MSI2: variants seen among roughly 807,000 people sequenced by gnomAD.
MSI2 encodes RNA-binding protein Musashi homolog 2.
Under a neutral mutation model 45.6 loss-of-function variants are expected in MSI2, and 17 were observed. The observed-to-expected ratio is 0.37, with a 90% CI of 0.26 to 0.56. The LOEUF (loss-of-function observed/expected upper bound fraction) is 0.56. MSI2 is among the 20% of genes least tolerant of loss of function. The pLI, the probability that MSI2 is intolerant of heterozygous loss-of-function variation, is 0.77. For synonymous variants in MSI2, 156 were observed against 158.2 expected, an observed-to-expected ratio of 0.99 and a Z score of 0.11; for missense variants, 293 against 444.2, an observed-to-expected ratio of 0.66 and a Z score of 3.06.
At chr17:57,308,201 C>G (rs1912076139) in intron 5 of MSI2, among the ~76,000 whole-genome samples, 1 of 152,134 alleles carries the variant, frequency 6.6e-6, no homozygotes, top group Admixed American at 6.6e-5. Flanking sequence ...GACGACGTGC[C>G]TGGCATGTAG....
intron 5 of MSI2, among the ~76,000 whole-genome samples, chr17:57,394,310 A>G (rs2083849840): frequency 6.6e-6 from 1 of 152,094 alleles, no homozygotes; most frequent in African/African-American, 2.4e-5. Flanking sequence ...ACGCTGTTTG[A>G]TTTTGGATGC....
intron 7 of MSI2, among the ~76,000 whole-genome samples, chr17:57,565,060 G>T (rs929244789): frequency 6.6e-6 from 1 of 152,146 alleles, no homozygotes; most frequent in African/African-American, 2.4e-5. Flanking sequence ...TGACAGATGA[G>T]GAAACTGAGA....
At chr17:57,667,294 A>G (rs1471762796) in intron 11 of MSI2, among the ~76,000 whole-genome samples, 2 of 152,164 alleles carry the variant, frequency 1.3e-5, no homozygotes, top group East Asian at 3.8e-4. Flanking sequence ...GTTAGTGTTA[A>G]AACACCGCCT....
intron 5 of MSI2, among the ~76,000 whole-genome samples, chr17:57,290,386 T>C (rs1169584198): frequency 6.6e-6 from 1 of 152,244 alleles, no homozygotes; most frequent in Non-Finnish European, 1.5e-5. Flanking sequence ...CATAACTCAC[T>C]GTACCCTCCA....
chr17:57,419,367 C>CT (rs11465030), intron 6 of MSI2, among the ~76,000 whole-genome samples: 5,939 of 146,082 alleles, frequency 0.041, 402 homozygotes, highest in African/African-American at 0.14. Context: ...TTACATTTTT[C>CT]TTTTTTTTTT....
downstream of MSI2, chr17:57,685,413 C>G (rs1913852022): frequency 6.6e-6 from 1 of 152,160 alleles, no homozygotes; most frequent in African/African-American, 2.4e-5. Flanking sequence ...GGACAGTGGC[C>G]CTTAGCTGCT....
chr17:57,277,053 CTT>C (rs34561938), intron 5 of MSI2, among the ~76,000 whole-genome samples: 2,789 of 124,918 alleles, frequency 0.022, 53 homozygotes, highest in African/African-American at 0.062. Context: ...GTTTTCTTTT[CTT>C]TTTTTTTTTT....
intron 6 of MSI2, among the ~76,000 whole-genome samples, chr17:57,439,957 G>A (rs950099574): frequency 6.6e-6 from 1 of 151,692 alleles, no homozygotes; most frequent in African/African-American, 2.4e-5. Flanking sequence ...TAAGAGGGGG[G>A]GTCTGTTCTA....
intron 1 of MSI2, 22 bp downstream of exon 1, chr17:57,256,826 A>G (rs1467064606): frequency 2.1e-6 from 3 of 1,447,412 alleles, no homozygotes; most frequent in South Asian, 2.9e-5. Flanking sequence ...GCCGCTGCCC[A>G]CCGCGCCGCC....
chr17:57,287,957 G>A (rs1336133918), intron 5 of MSI2, among the ~76,000 whole-genome samples: 1 of 152,196 alleles, frequency 6.6e-6, no homozygotes, highest in Admixed American at 6.5e-5. Context: ...GCGGCACCAG[G>A]AGGAGCAGGA....
intron 6 of MSI2, chr17:57,523,700 G>A (rs1021682048): frequency 6.6e-6 from 1 of 152,232 alleles, no homozygotes; most frequent in African/African-American, 2.4e-5. Context: ...CTTAATGCCT[G>A]TGTTCCATGT....
At chr17:57,364,476 T>C (rs952201143) in intron 5 of MSI2, among the ~76,000 whole-genome samples, 1 of 152,168 alleles carries the variant, frequency 6.6e-6, no homozygotes, top group Non-Finnish European at 1.5e-5. Context: ...GGCAGAAACT[T>C]TGTAAAGCTG....
chr17:57,510,785 G>A (rs753064815), intron 6 of MSI2, among the ~76,000 whole-genome samples: 22 of 152,248 alleles, frequency 1.4e-4, no homozygotes, highest in Admixed American at 5.2e-4. Context: ...GGCCAAGGCA[G>A]AACACTCATC....
chr17:57,425,659 C>T (rs2084477360), intron 6 of MSI2, among the ~76,000 whole-genome samples: 2 of 152,196 alleles, frequency 1.3e-5, no homozygotes, highest in African/African-American at 4.8e-5. Context: ...AGGTTGTTTG[C>T]AGTATCATTA....
chr17:57,575,175 G>T (rs1032704209), intron 7 of MSI2, among the ~76,000 whole-genome samples: 2 of 130,858 alleles, frequency 1.5e-5, no homozygotes, highest in Non-Finnish European at 3.1e-5. Context: ...CCCGGCTGGA[G>T]CAGATCCCTG....
At chr17:57,349,270 G>A (rs912716886) in intron 5 of MSI2, among the ~76,000 whole-genome samples, 9 of 152,244 alleles carry the variant, frequency 5.9e-5, no homozygotes, top group African/African-American at 1.2e-4. Flanking sequence ...CCAGCAGCCC[G>A]GGGATTTTCA....
At chr17:57,502,636 T>TATATATATATATATATATAGAGAGAG in intron 6 of MSI2, among the ~76,000 whole-genome samples, 15 of 96,898 alleles carry the variant, frequency 1.5e-4, no homozygotes, top group Admixed American at 4.0e-4. Context: ...TATATATATA[T>TATATATATATATATATATAGAGAGAG]AGTCATCATT....
chr17:57,261,086 A>G (rs1907263327), intron 4 of MSI2, among the ~76,000 whole-genome samples: 1 of 152,266 alleles, frequency 6.6e-6, no homozygotes, highest in Non-Finnish European at 1.5e-5. Context: ...TTAGAAATTC[A>G]ATGAAAACCG....
chr17:57,579,459 G>T (rs2088142664), intron 7 of MSI2, among the ~76,000 whole-genome samples: 1 of 152,220 alleles, frequency 6.6e-6, no homozygotes, highest in African/African-American at 2.4e-5. Flanking sequence ...CCTGTGGCCT[G>T]CTCTGAGTGG....
Sources: allele counts gnomAD v4.1 joint callset (sites outside exome capture counted in the v4.1 genomes callset), GRCh38; gene constraint gnomAD v4.1.1; transcripts MANE v1.5; gene names NCBI Gene and HGNC (gene_info 2026-07-23, HGNC 2026-07-21).